The following DNAH9 variants were observed in gnomAD, a reference collection of about 807,000 sequenced individuals.
DNAH9 encodes DNAH9 variant protein.
Under a neutral mutation model 471.6 loss-of-function variants are expected in DNAH9, and 345 were observed. The observed-to-expected ratio is 0.73, with a 90% CI of 0.67 to 0.80. The LOEUF is 0.80. DNAH9 is among the 30% of genes least tolerant of loss of function. The probability of loss-of-function intolerance (pLI) is 0.00; values close to 1 mark genes in which losing one functional copy is unlikely to be tolerated. For synonymous variants in DNAH9, 2,093 were observed against 2,123.6 expected (o/e 0.99, Z 0.40); for missense variants, 5,407 against 5,609.2 (o/e 0.96, Z 1.15).
At chr17:11,734,758 C>A (rs2075318511) in intron 28 of DNAH9, among the ~76,000 whole-genome samples, 1 of 152,168 alleles carries the variant, frequency 6.6e-6, no homozygotes, top group South Asian at 2.1e-4. Flanking sequence ...CTGCTAAATC[C>A]CATCCTGTAC....
intron 32 of DNAH9, among the ~76,000 whole-genome samples, chr17:11,748,308 C>A (rs1460382757): frequency 1.3e-5 from 2 of 152,014 alleles, no homozygotes; most frequent in Non-Finnish European, 2.9e-5. Flanking sequence ...GTCTGGGTGA[C>A]AAAGCAAGAC....
At position 11,619,770 on chromosome 17, in the gene DNAH9, C is replaced by G. The variant is rs1597395723; in HGVS notation, c.1339C>G (p.His447Asp). 3 of 1,604,564 alleles carry G rather than the reference C, an allele frequency of 1.9e-6. No individual in the cohort carries two copies. Among genetic ancestry groups the G allele is most frequent in the Non-Finnish European group, 2.6e-6 (3 of 1,171,478 alleles). ...ATTGGATGGCTTCCTGGGACAACTG[C>G]ACGTGGTGGAGGTGAGTGCGCACCT... ...VRLDGFLGQL[H>D]VVEGLLKTAL... is the part of the protein sequence containing the mutation. Residue 447 changes from histidine (H) to aspartate (D), a missense_variant, in exon 6 of 69, where the codon CAC (histidine) becomes GAC (aspartate). Coordinates refer to ENST00000262442, the MANE Select transcript of DNAH9 (RefSeq NM_001372.4).
Position 11,763,578 on chromosome 17 carries a change from C to T in DNAH9, c.7134C>T (p.Ala2378=), listed in dbSNP as rs1198964541. ...ATGAGCATTATTTTGTGTTTGCTGC[C>T]ATCTGGGCTTTCGGCGGAGCAATGG... ...EIYEHYFVFA[A]IWAFGGAMVQ... is the part of the protein sequence containing the mutation. The change falls in exon 36 of 69, where the codon GCC becomes GCT. Residue 2378 remains alanine, a synonymous_variant. Transcript: ENST00000262442. The T allele has an allele frequency of 2.5e-6, 4 of 1,614,012 alleles. No individual in the cohort carries two copies. Among genetic ancestry groups the T allele is most frequent in the Non-Finnish European group, 3.4e-6 (4 of 1,180,036 alleles).
chr17:11,904,959 C>T (rs1318281496), intron 60 of DNAH9, among the ~76,000 whole-genome samples: 1 of 152,026 alleles, frequency 6.6e-6, no homozygotes, highest in Non-Finnish European at 1.5e-5. Flanking sequence ...ATAGGCTGGG[C>T]GCGGTGGCTC....
At chr17:11,656,242 T>C (rs1467770194) in intron 14 of DNAH9, among the ~76,000 whole-genome samples, 1 of 152,202 alleles carries the variant, frequency 6.6e-6, no homozygotes, top group Non-Finnish European at 1.5e-5. Context: ...TTTATTTGTT[T>C]GGTTATGGCC....
chr17:11,797,525 G>A (rs1433404210), intron 42 of DNAH9, 72 bp from the exon 43 acceptor site: 1 of 1,249,642 alleles, frequency 8.0e-7, no homozygotes, highest in Non-Finnish European at 1.1e-6. Context: ...GAGCAAATCA[G>A]GTGTCTCTGC....
At chr17:11,899,603 G>C (rs922263658) in intron 59 of DNAH9, among the ~76,000 whole-genome samples, 1 of 152,232 alleles carries the variant, frequency 6.6e-6, no homozygotes, top group Non-Finnish European at 1.5e-5. Flanking sequence ...GTGTGTTTCA[G>C]ATCCAGCCCT....
At chr17:11,654,634 C>G (rs1343404902) in intron 14 of DNAH9, among the ~76,000 whole-genome samples, 1 of 151,668 alleles carries the variant, frequency 6.6e-6, no homozygotes, top group Non-Finnish European at 1.5e-5. Flanking sequence ...ACAAGAGTCT[C>G]TAAAAGTTCA....
chr17:11,757,033 G>A (rs913341264), intron 34 of DNAH9, among the ~76,000 whole-genome samples: 1 of 152,054 alleles, frequency 6.6e-6, no homozygotes, highest in South Asian at 2.1e-4. Context: ...GAGACTGGAA[G>A]ATTTTTTTTT....
intron 45 of DNAH9, among the ~76,000 whole-genome samples, chr17:11,813,532 G>A (rs755002181): frequency 4.7e-4 from 71 of 152,186 alleles, no homozygotes; most frequent in Non-Finnish European, 6.8e-4. Context: ...TAGGGACTAG[G>A]AAACCATAAC....
intron 27 of DNAH9, among the ~76,000 whole-genome samples, chr17:11,727,607 T>A (rs1321004017): frequency 6.6e-6 from 1 of 152,210 alleles, no homozygotes; most frequent in African/African-American, 2.4e-5. Context: ...CATCCAAGTG[T>A]CTTGAAAAGG....
rs1173708366 is a variant in DNAH9, at chr17:11,610,312, G to A, written c.615-84G>A. 17 of 1,148,508 alleles carry A rather than the reference G, an allele frequency of 1.5e-5. No homozygotes were observed. In the Admixed American group the frequency reaches 1.9e-4, roughly 13 times the overall value. The allele number at this position is 1,148,508 out of a possible 1,614,324, so 71.1% of individuals were successfully genotyped here. On this transcript the variant is annotated intron_variant, in intron 2 of 68. Coordinates refer to ENST00000262442, the MANE Select transcript of DNAH9 (RefSeq NM_001372.4). Reference sequence around the variant, plus strand: ...CCTATTTTTTTAAATTTGGGATTCTGTCTTGGGGTACACCCAGGGTTATTT... The same window carrying A: ...CCTATTTTTTTAAATTTGGGATTCTATCTTGGGGTACACCCAGGGTTATTT...
intron 54 of DNAH9, among the ~76,000 whole-genome samples, chr17:11,880,636 G>A (rs1275165395): frequency 3.3e-5 from 5 of 152,144 alleles, no homozygotes; most frequent in African/African-American, 1.2e-4. Flanking sequence ...AGGCAAAGCA[G>A]GGGGTGGTGT....
chr17:11,801,061 G>A (rs2150917696), intron 43 of DNAH9, among the ~76,000 whole-genome samples: 1 of 152,258 alleles, frequency 6.6e-6, no homozygotes, highest in Middle Eastern at 3.4e-3. Flanking sequence ...TGTGCATAGT[G>A]CTTTGCATAT....
At chr17:11,693,841 T>C (rs1597487746) in intron 20 of DNAH9, 27 bp from the exon 21 acceptor site, 1 of 1,613,934 alleles carries the variant, frequency 6.2e-7, no homozygotes. Context: ...GAGTGGTGGT[T>C]AATTGCTTCC....
At chr17:11,673,858 A>T (rs2074009450) in intron 17 of DNAH9, among the ~76,000 whole-genome samples, 1 of 152,168 alleles carries the variant, frequency 6.6e-6, no homozygotes, top group African/African-American at 2.4e-5. Flanking sequence ...GTGTGTATGT[A>T]TATGGATATA....
chr17:11,842,020 G>A (rs956752499), intron 49 of DNAH9, among the ~76,000 whole-genome samples: 1 of 151,688 alleles, frequency 6.6e-6, no homozygotes, highest in African/African-American at 2.4e-5. Context: ...CTTTTGCTAT[G>A]AGTCCCTTGG....
At position 11,690,402 on chromosome 17, in the gene DNAH9, C is replaced by G. The variant is rs1464307812; in HGVS notation, c.4580C>G (p.Thr1527Ser). The G allele has an allele frequency of 6.2e-7, 1 of 1,614,158 alleles. No homozygotes were observed. The highest frequency in any genetic ancestry group is 8.5e-7 in the Non-Finnish European group (1 of 1,179,990). The change falls in exon 20 of 69, where the codon ACT becomes AGT. Residue 1527 changes from threonine to serine, a missense_variant. By Grantham distance (58) the Thr-to-Ser change is moderately conservative (BLOSUM62 1). Transcript: ENST00000262442. ...TGGACTCACCTGGAAAGCATATTCA[C>G]TGGATCTGAAGATATTCGGGCACAG... Reference protein sequence around the residue: ...RTWTHLESIFTGSEDIRAQLP... With the variant: ...RTWTHLESIFSGSEDIRAQLP...
At chr17:11,864,227 A>G (rs4791480) in intron 50 of DNAH9, among the ~76,000 whole-genome samples, 122,692 of 136,588 alleles carry the variant, frequency 0.9, 55,589 homozygotes, top group Non-Finnish European at 0.94. Flanking sequence ...TTGTGTCTTT[A>G]TTCTCATTGG....
Sources: allele counts gnomAD v4.1 joint callset (sites outside exome capture counted in the v4.1 genomes callset), GRCh38; gene constraint gnomAD v4.1.1; transcripts MANE v1.5; gene names NCBI Gene and HGNC (gene_info 2026-07-23, HGNC 2026-07-21).